SPACA6: variants seen among roughly 807,000 people sequenced by gnomAD.
The protein encoded by SPACA6 is sperm acrosome associated 6.
For synonymous variants in SPACA6, 6 were observed against 1.5 expected (o/e 4.05, Z -2.21); for missense variants, 8 against 2.8 (o/e 2.88, Z -1.34).
chr19:51,698,632 C>G (rs2083446912), intron 2 of SPACA6, among the ~76,000 whole-genome samples: 1 of 152,182 alleles, frequency 6.6e-6, no homozygotes, highest in Admixed American at 6.5e-5. Context: ...TCATTTGGAA[C>G]CCACTTCTGG....
At chr19:51,692,788 C>G (rs368090089), upstream of SPACA6, 4 of 534,402 alleles carry the variant, frequency 7.5e-6, no homozygotes, top group Admixed American at 1.9e-5. The surrounding 1 kb of genome is among the most constrained non-coding windows in gnomAD (Gnocchi z 5.6). Flanking sequence ...CCGCGCCCCC[C>G]GGGCTGAGGT....
chr19:51,697,766 G>A (rs6509566), intron 2 of SPACA6, among the ~76,000 whole-genome samples: 1 of 152,020 alleles, frequency 6.6e-6, no homozygotes, highest in Non-Finnish European at 1.5e-5. Context: ...AGTAGATGAC[G>A]TGGTACAGAC....
At chr19:51,686,077 T>C (rs185225026), upstream of SPACA6, 6 of 152,316 alleles carry the variant, frequency 3.9e-5, no homozygotes, top group Non-Finnish European at 7.3e-5. Context: ...ATGAGTCTTA[T>C]GTGCTGAGAG....
chr19:51,694,219 G>T (rs1377885446), intron 1 of SPACA6: 2 of 350,872 alleles, frequency 5.7e-6, no homozygotes, highest in African/African-American at 2.1e-5. Context: ...ACTCAAAGAG[G>T]ATGGAAACCC....
chr19:51,687,245 C>T (rs757967831), upstream of SPACA6: 2 of 148,754 alleles, frequency 1.3e-5, no homozygotes, highest in Non-Finnish European at 3.0e-5. Context: ...CTGGGCAATC[C>T]GTCTCAAAAA....
chr19:51,688,714 A>T (rs2083340675), upstream of SPACA6, among the ~76,000 whole-genome samples: 1 of 152,086 alleles, frequency 6.6e-6, no homozygotes. Context: ...GGAGAGAAAC[A>T]GAGAAAAGGG....
In SPACA6 at chr19:51,693,568, G is replaced by A. The variant is rs2083395365; in HGVS notation, c.42G>A (p.Leu14=). The change falls in exon 1 of 9, where the codon CTG becomes CTA. Residue 14 remains leucine, a synonymous_variant. Transcript: ENST00000637797. ...LALASAVPSA[L]LALAVFRVPA... ...TGGCCAGTGCCGTCCCGTCTGCCCT[G>A]CTGGCCCTGGCTGTCTTCAGGGTGC... is the stretch of plus-strand genomic sequence containing the variant. 2.3e-6 allele frequency: 1 copy of A among 441,394 alleles called. No individual in the cohort carries two copies. The highest frequency in any genetic ancestry group is 4.1e-6 in the Non-Finnish European group (1 of 244,854). The allele number at this position is 441,394 out of a possible 1,614,324, so 27.3% of individuals were successfully genotyped here.
At chr19:51,684,626 T>C (rs2083320231), upstream of SPACA6, among the ~76,000 whole-genome samples, 1 of 152,186 alleles carries the variant, frequency 6.6e-6, no homozygotes, top group Non-Finnish European at 1.5e-5. Context: ...GGGTGTCCAA[T>C]CTTTCAGCTT....
upstream of SPACA6, among the ~76,000 whole-genome samples, chr19:51,690,223 C>A (rs561631843): frequency 2.6e-5 from 4 of 151,884 alleles, no homozygotes; most frequent in African/African-American, 9.7e-5. Context: ...AGCCCCCAGC[C>A]CCCTTTTTTC....
chr19:51,693,266 G>T (rs2083391515), upstream of SPACA6: 1 of 722,688 alleles, frequency 1.4e-6, no homozygotes, highest in Non-Finnish European at 2.6e-6. Flanking sequence ...CCAGTCTCTA[G>T]GTCCCTGAGA....
chr19:51,709,299 C>T (rs1350487686), downstream of SPACA6, among the ~76,000 whole-genome samples: 1 of 151,286 alleles, frequency 6.6e-6, no homozygotes, highest in East Asian at 1.9e-4. Flanking sequence ...AGGCAGATCA[C>T]CTGAGGTCAG....
At chr19:51,698,891 ATC>A (rs200814968) in intron 2 of SPACA6, among the ~76,000 whole-genome samples, 2,302 of 152,322 alleles carry the variant, frequency 0.015, 17 homozygotes, top group East Asian at 0.027. Context: ...AAGACTTAAT[ATC>A]CCAGGGAGTA....
upstream of SPACA6, among the ~76,000 whole-genome samples, chr19:51,690,928 G>GCCT (rs1440306844): frequency 6.6e-6 from 1 of 151,910 alleles, no homozygotes; most frequent in Non-Finnish European, 1.5e-5. Flanking sequence ...GGCGGGGGCA[G>GCCT]CCTCCTCCCT....
chr19:51,688,249 C>T (rs1334176972), upstream of SPACA6: 5 of 152,634 alleles, frequency 3.3e-5, no homozygotes, highest in African/African-American at 1.2e-4. Context: ...GCTTTGTTGT[C>T]CTCCCAGCAC....
intron 2 of SPACA6, among the ~76,000 whole-genome samples, chr19:51,710,617 T>G (rs2083537227): frequency 6.6e-6 from 1 of 152,156 alleles, no homozygotes. Context: ...CGAAGTCTGG[T>G]CTGAAGATCT....
At chr19:51,702,532 G>A (rs959279168) in intron 3 of SPACA6, 97 bp from the exon 4 acceptor site, 17 of 398,526 alleles carry the variant, frequency 4.3e-5, no homozygotes, top group Non-Finnish European at 6.6e-5. Flanking sequence ...CGCCCCCTCG[G>A]AGCAATGCTT....
downstream of SPACA6, among the ~76,000 whole-genome samples, chr19:51,708,043 C>A (rs138797525): frequency 1.1e-4 from 17 of 152,300 alleles, no homozygotes; most frequent in African/African-American, 4.1e-4. Context: ...GGCATGATTG[C>A]TTATGAACTT....
upstream of SPACA6, chr19:51,689,323 G>T (rs1213958514): frequency 6.6e-6 from 1 of 151,516 alleles, no homozygotes; most frequent in Non-Finnish European, 1.5e-5. Context: ...CCCTGGGGAG[G>T]GGGCTGGTCC....
In SPACA6 at chr19:51,700,263, C is replaced by CAA. The variant is rs1400119719; in HGVS notation, c.293-1393_293-1392dup. Among the ~76,000 whole-genome samples, 3 of 152,040 alleles carry CAA rather than the reference C, an allele frequency of 2.0e-5. No homozygotes were observed. In the East Asian group the frequency reaches 5.8e-4, roughly 29 times the overall value. Reference sequence around the variant, plus strand: ...AGCGAGACTCTATCTCAAAACAAAACAAACACCTACAAAGACAAGGAACAT... The same window carrying CAA: ...AGCGAGACTCTATCTCAAAACAAAACAAAAACACCTACAAAGACAAGGAACAT... On this transcript the variant is annotated intron_variant, in intron 2 of 8. Transcript: ENST00000637797.
Sources: gnomAD v4.1 joint callset for allele counts (sites outside exome capture counted in the v4.1 genomes callset) on GRCh38, gnomAD v4.1.1 for gene constraint, Gnocchi (gnomAD v3.1) non-coding constraint, MANE v1.5 for transcripts, NCBI Gene and HGNC (gene_info 2026-07-23, HGNC 2026-07-21) for gene names.